The following ALG14 variants were observed in gnomAD, a reference collection of about 807,000 sequenced individuals.
ALG14 encodes the protein UDP-N-acetylglucosamine transferase subunit ALG14.
A neutral mutation model predicts 22.8 loss-of-function variants in ALG14; 17 were observed. That is an observed-to-expected ratio of 0.75 (90% CI 0.51 to 1.12). The LOEUF is 1.12. ALG14 is among the 50% of genes most tolerant of loss of function. The pLI is 0.00. For missense variants in ALG14, 288 were observed against 271.8 expected (o/e 1.06, Z -0.42); for synonymous variants, 89 against 103.7 (o/e 0.86, Z 0.86).
Position 95,064,956 on chromosome 1 carries a change from T to C in ALG14, c.198A>G (p.Arg66=). 6.2e-7 allele frequency: 1 copy of C among 1,613,884 alleles called. No homozygotes were observed. Among genetic ancestry groups the C allele is most frequent in the Non-Finnish European group, 8.5e-7 (1 of 1,179,840 alleles). ...CATCAGTGTCAGCAATGACATAATG[T>C]CTAGGTGAGTAGGCATTGGACAAGC... is the stretch of plus-strand genomic sequence containing the variant. ...LGSLSNAYSP[R]HYVIADTDEM... The change falls in exon 2 of 4, where the codon AGA becomes AGG. Residue 66 remains arginine, a synonymous_variant. Coordinates refer to ENST00000370205, the MANE Select transcript of ALG14 (RefSeq NM_144988.4).
chr1:95,011,647 C>A (rs568350560), intron 3 of ALG14, among the ~76,000 whole-genome samples: 2 of 151,904 alleles, frequency 1.3e-5, no homozygotes, highest in Non-Finnish European at 2.9e-5. Context: ...GATCTCCTGA[C>A]CTTGTGATCT....
chr1:95,048,516 C>T (rs1674632956), intron 2 of ALG14, among the ~76,000 whole-genome samples: 1 of 152,082 alleles, frequency 6.6e-6, no homozygotes, highest in Non-Finnish European at 1.5e-5. Flanking sequence ...ACTGCAATGC[C>T]CTGAGCCTCA....
At chr1:95,065,229 A>G (rs1675316566) in intron 1 of ALG14, among the ~76,000 whole-genome samples, 1 of 152,224 alleles carries the variant, frequency 6.6e-6, no homozygotes. Context: ...TACATGTATA[A>G]AAATAAAATC....
At chr1:95,049,130 C>T (rs1228948511) in intron 2 of ALG14, among the ~76,000 whole-genome samples, 2 of 152,108 alleles carry the variant, frequency 1.3e-5, no homozygotes, top group African/African-American at 4.8e-5. Context: ...AGCTTAAAAT[C>T]TGCTGTATAT....
intron 1 of ALG14, among the ~76,000 whole-genome samples, chr1:95,066,497 A>T (rs1162267925): frequency 6.6e-6 from 1 of 152,194 alleles, no homozygotes; most frequent in Non-Finnish European, 1.5e-5. Flanking sequence ...TACTGGGATT[A>T]CAGGCGTGAG....
chr1:95,012,856 G>C (rs1673404606), intron 3 of ALG14, among the ~76,000 whole-genome samples: 1 of 152,162 alleles, frequency 6.6e-6, no homozygotes, highest in Non-Finnish European at 1.5e-5. Flanking sequence ...AAACAGGTCA[G>C]GCACGGTGGC....
At chr1:95,048,756 AT>A (rs1232967437) in intron 2 of ALG14, among the ~76,000 whole-genome samples, 7 of 146,938 alleles carry the variant, frequency 4.8e-5, no homozygotes, top group Admixed American at 6.8e-5. Context: ...TTTTCAAGGT[AT>A]TTTTTTTTCA....
At chr1:94,998,204 A>T (rs2100730492) in intron 3 of ALG14, among the ~76,000 whole-genome samples, 1 of 152,332 alleles carries the variant, frequency 6.6e-6, no homozygotes, top group Non-Finnish European at 1.5e-5. Context: ...CCAGGATTAA[A>T]CCGCACTTCC....
chr1:95,025,995 C>A (rs1316133544), intron 3 of ALG14, among the ~76,000 whole-genome samples: 1 of 151,754 alleles, frequency 6.6e-6, no homozygotes, highest in African/African-American at 2.4e-5. Flanking sequence ...TGCAGTGGTG[C>A]GATCTCGGCT....
At chr1:95,043,461 T>C (rs1674445701) in intron 2 of ALG14, among the ~76,000 whole-genome samples, 1 of 152,080 alleles carries the variant, frequency 6.6e-6, no homozygotes, top group Non-Finnish European at 1.5e-5. Flanking sequence ...ATGTCAATAG[T>C]GACGAGGATG....
chr1:95,026,025 G>A (rs952378423), intron 3 of ALG14, among the ~76,000 whole-genome samples: 4 of 151,782 alleles, frequency 2.6e-5, no homozygotes, highest in African/African-American at 7.3e-5. Flanking sequence ...CTCTGCCTCC[G>A]GGGTTCACAC....
chr1:95,009,328 T>C (rs1673303604), intron 3 of ALG14, among the ~76,000 whole-genome samples: 2 of 151,966 alleles, frequency 1.3e-5, no homozygotes, highest in South Asian at 4.1e-4. Context: ...AACCATACAT[T>C]GTGAAAATTT....
rs1242035499 is a variant in ALG14, at chr1:94,977,903, GGCCTCCC to G, written c.*5166_*5172del. The G allele has an allele frequency of 6.6e-6, 1 of 151,968 alleles. No homozygotes were observed. The highest frequency in any genetic ancestry group is 2.4e-5 in the African/African-American group (1 of 41,370). The allele number at this position is 151,968 out of a possible 1,614,324, so 9.4% of individuals were successfully genotyped here. A position where few individuals can be genotyped will look rare whatever the true frequency, so the allele number is the denominator to read the frequency against. ...TGGGCTCAGGTGATCCATCCACCTCGGCCTCCCAAAGTGCTGGGATTACAAGTGTGAA... is the reference window on the plus strand; with the variant it reads ...TGGGCTCAGGTGATCCATCCACCTCGAAAGTGCTGGGATTACAAGTGTGAA... On this transcript the variant is annotated 3_prime_UTR_variant, in exon 4 of 4. Coordinates refer to ENST00000370205, the MANE Select transcript of ALG14 (RefSeq NM_144988.4).
rs879267424 is a variant in ALG14, at chr1:94,983,746, A to AT, written c.421-441dup. On this transcript the variant is annotated intron_variant, in intron 3 of 3. Transcript: ENST00000370205. ...AAAATATCTTTAATTGACTATGAAG[A>AT]TTTTTTTTTTTTTGAGATGGAGTCT... is the stretch of plus-strand genomic sequence containing the variant. The AT allele has an allele frequency of 4.9e-3, 757 of 153,310 alleles. 4 individuals carry two copies. The highest frequency in any genetic ancestry group is 0.017 in the Admixed American group (265 of 15,502). 9.5% of individuals were successfully genotyped at this position (153,310 alleles called of 1,614,324 possible).
intron 3 of ALG14, among the ~76,000 whole-genome samples, chr1:95,001,972 T>A (rs1255160040): frequency 6.6e-6 from 1 of 152,222 alleles, no homozygotes; most frequent in Non-Finnish European, 1.5e-5. Context: ...CCTGAATCTG[T>A]GTCTGACAGA....
chr1:95,058,887 T>G (rs1007398673), intron 2 of ALG14, among the ~76,000 whole-genome samples: 11 of 151,982 alleles, frequency 7.2e-5, no homozygotes, highest in Non-Finnish European at 1.6e-4. Context: ...TTTAAAATTT[T>G]ATTTTTTTTC....
chr1:95,041,010 G>A (rs1416500761), intron 2 of ALG14, among the ~76,000 whole-genome samples: 3 of 152,118 alleles, frequency 2.0e-5, no homozygotes, highest in African/African-American at 7.2e-5. Flanking sequence ...GATTTGGGGA[G>A]GAATTTAAGA....
In ALG14 at chr1:95,020,431, A is replaced by C. The variant is rs185767503; in HGVS notation, c.420+6698T>G. Among the ~76,000 whole-genome samples the C allele has an allele frequency of 7.5e-3, 1,141 of 151,622 alleles. 11 individuals are homozygous for C. The highest frequency in any genetic ancestry group is 0.026 in the African/African-American group (1,066 of 41,360). ...TTTTAATCTTTTTTTTTTCTCCCCC[A>C]AATGAAGTAAAAAATGCTAAGTGGT... On this transcript the variant is annotated intron_variant, in intron 3 of 3. Coordinates refer to ENST00000370205, the MANE Select transcript of ALG14 (RefSeq NM_144988.4).
At chr1:95,003,392 G>A (rs1673118249) in intron 3 of ALG14, among the ~76,000 whole-genome samples, 1 of 151,746 alleles carries the variant, frequency 6.6e-6, no homozygotes, top group South Asian at 2.1e-4. Flanking sequence ...CACAGTGGTT[G>A]TGGACTTTAA....
Sources: gnomAD v4.1 joint callset for allele counts (sites outside exome capture counted in the v4.1 genomes callset) on GRCh38, gnomAD v4.1.1 for gene constraint, MANE v1.5 for transcripts, NCBI Gene and HGNC (gene_info 2026-07-23, HGNC 2026-07-21) for gene names.